PCDH7: variants seen among roughly 807,000 people sequenced by gnomAD.
The protein encoded by PCDH7 is protocadherin-7.
PCDH7 carries 17 observed loss-of-function variants against 58.9 expected under a neutral mutation model. The ratio of observed to expected loss-of-function variants is 0.29; its 90% CI spans 0.20 to 0.43. PCDH7 has a LOEUF of 0.43. Among genes scored for constraint, PCDH7 ranks in the 20% least tolerant of loss-of-function variants. The pLI is 1.00. For synonymous variants in PCDH7, 664 were observed against 616.4 expected, an observed-to-expected ratio of 1.08 and a Z score of -1.14; for missense variants, 1,274 against 1,441.0, an observed-to-expected ratio of 0.88 and a Z score of 1.88.
chr4:31,146,043 A>G (rs1186041030), downstream of PCDH7: 3 of 152,062 alleles, frequency 2.0e-5, no homozygotes, highest in African/African-American at 7.2e-5. Context: ...TCAATCTAAA[A>G]TCTACTGCTC....
chr4:30,954,546 T>C lies in PCDH7; in HGVS notation c.*7+4331T>C, dbSNP rs180708063. Among the ~76,000 whole-genome samples the C allele has an allele frequency of 1.1e-4, 16 of 152,256 alleles. No individual in the cohort carries two copies. The East Asian group carries it at 2.9e-3, about 28-fold the overall frequency. ...TATCTATAAGATTCTTAGGCCATAT[T>C]CTTAAAACAACAGGGAACATGTATC... On this transcript the variant is annotated intron_variant, in intron 3 of 3. Transcript: ENST00000509759.
chr4:30,807,935 A>T (rs1726455075), intron 1 of PCDH7, among the ~76,000 whole-genome samples: 1 of 152,142 alleles, frequency 6.6e-6, no homozygotes, highest in African/African-American at 2.4e-5. Context: ...TTCGTTTTTC[A>T]TGAAGGAGCA....
intron 1 of PCDH7, among the ~76,000 whole-genome samples, chr4:30,774,709 A>C (rs948385801): frequency 5.3e-5 from 8 of 152,214 alleles, no homozygotes; most frequent in Admixed American, 5.2e-4. Flanking sequence ...TACAATATAC[A>C]GTTTATGACA....
rs565926652 is a variant in PCDH7, at chr4:30,845,439, C to T, written c.71-74714C>T. Among the ~76,000 whole-genome samples the T allele has an allele frequency of 3.3e-5, 5 of 152,182 alleles. No individual in the cohort carries two copies. The East Asian group carries it at 7.7e-4, about 24-fold the overall frequency. ...GAAGTTCCAGTTCTAGTAAAACCAA[C>T]CCAACCTTATAATACATCTAAATAT... On this transcript the variant is annotated intron_variant, in intron 1 of 3. Coordinates refer to the PCDH7 transcript ENST00000509759.
At chr4:30,875,412 G>A (rs1179913626) in intron 1 of PCDH7, among the ~76,000 whole-genome samples, 2 of 151,990 alleles carry the variant, frequency 1.3e-5, no homozygotes, top group Admixed American at 6.6e-5. Context: ...AGACTTTCAC[G>A]TATGGATTTT....
intron 2 of PCDH7, among the ~76,000 whole-genome samples, chr4:30,947,888 C>T (rs1054313364): frequency 4.1e-4 from 63 of 152,054 alleles, no homozygotes; most frequent in Admixed American, 1.3e-4. Context: ...CTCTAGTATC[C>T]TCTGTTCTAC....
chr4:31,089,032 C>T (rs989699157), intron 3 of PCDH7, among the ~76,000 whole-genome samples: 1 of 151,868 alleles, frequency 6.6e-6, no homozygotes, highest in Non-Finnish European at 1.5e-5. Flanking sequence ...TTGACTGTTT[C>T]AGGCATGCTA....
intron 1 of PCDH7, among the ~76,000 whole-genome samples, chr4:30,881,993 G>C (rs1325832610): frequency 6.6e-6 from 1 of 152,104 alleles, no homozygotes; most frequent in Non-Finnish European, 1.5e-5. Flanking sequence ...TGTGAAACAT[G>C]AGTCTTATTG....
At chr4:30,920,086 T>C in intron 1 of PCDH7, 67 bp from the exon 2 acceptor site, 2 of 1,190,596 alleles carry the variant, frequency 1.7e-6, no homozygotes, top group Non-Finnish European at 2.3e-6. Context: ...GTAATTTATG[T>C]ATTTTTTAAA....
chr4:30,947,627 A>G (rs1746866161), intron 2 of PCDH7, among the ~76,000 whole-genome samples: 1 of 152,210 alleles, frequency 6.6e-6, no homozygotes, highest in Non-Finnish European at 1.5e-5. Flanking sequence ...TTCAATGCAT[A>G]TAGTATATAG....
At chr4:30,773,013 C>T (rs548180212) in intron 1 of PCDH7, among the ~76,000 whole-genome samples, 7 of 152,240 alleles carry the variant, frequency 4.6e-5, no homozygotes, top group African/African-American at 1.7e-4. Context: ...GTGATTCTCA[C>T]ACCTCAATCT....
chr4:30,966,591 G>A (rs1464779512), intron 3 of PCDH7, among the ~76,000 whole-genome samples: 5 of 151,990 alleles, frequency 3.3e-5, no homozygotes, highest in Non-Finnish European at 7.4e-5. Context: ...TTTTGTTTGA[G>A]GGGAGTGGGA....
intron 1 of PCDH7, among the ~76,000 whole-genome samples, chr4:30,901,185 T>C (rs1001274937): frequency 1.3e-5 from 2 of 152,166 alleles, no homozygotes; most frequent in Non-Finnish European, 2.9e-5. Context: ...AGTTTTTCTA[T>C]AATCATTTTC....
intron 1 of PCDH7, among the ~76,000 whole-genome samples, chr4:30,824,874 T>C (rs1332699972): frequency 1.3e-5 from 2 of 152,222 alleles, no homozygotes; most frequent in East Asian, 1.9e-4. Flanking sequence ...AAAATAATTC[T>C]TGCAGTAGAT....
chr4:31,111,194 T>A (rs541782565), intron 3 of PCDH7, among the ~76,000 whole-genome samples: 50 of 151,870 alleles, frequency 3.3e-4, no homozygotes, highest in Middle Eastern at 6.8e-3. Flanking sequence ...TTGATGTACC[T>A]TATATGTAGC....
intron 1 of PCDH7, among the ~76,000 whole-genome samples, chr4:30,775,410 T>C (rs1194537444): frequency 6.6e-6 from 1 of 152,172 alleles, no homozygotes; most frequent in Non-Finnish European, 1.5e-5. Flanking sequence ...AGTGTGTGTG[T>C]GTATATTCAG....
intron 1 of PCDH7, among the ~76,000 whole-genome samples, chr4:30,801,515 A>G (rs1033126192): frequency 1.3e-5 from 2 of 152,158 alleles, no homozygotes; most frequent in African/African-American, 4.8e-5. Flanking sequence ...CATACTAATA[A>G]TAATATCAAA....
At chr4:30,971,413 G>T (rs1560543941) in intron 3 of PCDH7, among the ~76,000 whole-genome samples, 1 of 152,162 alleles carries the variant, frequency 6.6e-6, no homozygotes, top group Non-Finnish European at 1.5e-5. Flanking sequence ...GTTTAGGAAG[G>T]ATTATTTCGC....
chr4:31,065,339 G>T (rs1462103195), intron 3 of PCDH7, among the ~76,000 whole-genome samples: 2 of 152,074 alleles, frequency 1.3e-5, no homozygotes, highest in East Asian at 3.9e-4. Context: ...GTGCTTAGTG[G>T]TAAGGCTGTC....
Sources: gnomAD v4.1 joint callset for allele counts (sites outside exome capture counted in the v4.1 genomes callset) on GRCh38, gnomAD v4.1.1 for gene constraint, MANE v1.5 for transcripts, NCBI Gene and HGNC (gene_info 2026-07-23, HGNC 2026-07-21) for gene names.